TMEM67: variants seen among roughly 807,000 people sequenced by gnomAD.
The protein encoded by TMEM67 is transmembrane protein 67.
Under a neutral mutation model 136.6 loss-of-function variants are expected in TMEM67, and 124 were observed. The ratio of observed to expected loss-of-function variants is 0.91; its 90% CI spans 0.78 to 1.05. The LOEUF is 1.05. Among genes scored for constraint, TMEM67 ranks in the 50% least tolerant of loss-of-function variants. The probability of loss-of-function intolerance (pLI) is 0.00; values close to 1 mark genes in which losing one functional copy is unlikely to be tolerated. For synonymous variants in TMEM67, 364 were observed against 390.5 expected (o/e 0.93, Z 0.80); for missense variants, 1,107 against 1,178.4 (o/e 0.94, Z 0.89).
At chr8:93,808,701 A>G (rs886943413) in intron 23 of TMEM67, 139 bp from the exon 24 acceptor site, 10 of 641,568 alleles carry the variant, frequency 1.6e-5, no homozygotes, top group Non-Finnish European at 2.2e-5. Context: ...CTGTTTCTCA[A>G]ATACAGTTTC....
chr8:93,792,986 T>A (rs976420676), intron 15 of TMEM67, among the ~76,000 whole-genome samples: 20 of 152,008 alleles, frequency 1.3e-4, no homozygotes, highest in Admixed American at 3.3e-4. Context: ...TTAGCCAGGA[T>A]GGTCTTGATC....
At chr8:93,757,804 A>G (rs1812651136) in intron 2 of TMEM67, among the ~76,000 whole-genome samples, 1 of 151,126 alleles carries the variant, frequency 6.6e-6, no homozygotes, top group Non-Finnish European at 1.5e-5. Context: ...ACTGTTGCTC[A>G]GGCTGGAGTG....
intron 3 of TMEM67, among the ~76,000 whole-genome samples, chr8:93,761,055 A>C (rs1226482146): frequency 6.6e-6 from 1 of 152,210 alleles, no homozygotes; most frequent in East Asian, 1.9e-4. Context: ...TCACGCTTGT[A>C]ATCCAGCACT....
intron 4 of TMEM67, 68 bp downstream of exon 4, chr8:93,764,009 A>G (rs758637432): frequency 3.5e-5 from 37 of 1,061,600 alleles, no homozygotes; most frequent in Non-Finnish European, 4.5e-5. Flanking sequence ...TGTACTTTTA[A>G]GAGTGTTTTC....
chr8:93,781,919 G>GT (rs1198858739), intron 10 of TMEM67, among the ~76,000 whole-genome samples, 175 bp downstream of exon 10: 1 of 149,554 alleles, frequency 6.7e-6, no homozygotes, highest in South Asian at 2.1e-4. Flanking sequence ...TTGTTTGTTT[G>GT]TTTTTTCTTT....
chr8:93,769,214 A>G lies in TMEM67; in HGVS notation c.652-3375A>G, dbSNP rs114398777. Among the ~76,000 whole-genome samples, 818 of 152,280 alleles carry G rather than the reference A, an allele frequency of 5.4e-3. 8 individuals carry two copies. Among genetic ancestry groups the G allele is most frequent in the African/African-American group, 0.019 (776 of 41,546 alleles). On this transcript the variant is annotated intron_variant, in intron 6 of 27. Transcript: ENST00000453321. The stretch of plus-strand genomic sequence containing the variant: ...CGTGGGGCAGCTCCCACCACCTTGA[A>G]GAAGGGCTGCCTGCAAGGCAACGGC...
chr8:93,797,413 G>T lies in TMEM67; in HGVS notation c.2043G>T (p.Gln681His). 1 of 1,613,948 alleles carries T rather than the reference G, an allele frequency of 6.2e-7. No individual in the cohort carries two copies. Among genetic ancestry groups the T allele is most frequent in the South Asian group, 1.1e-5 (1 of 91,060 alleles). Residue 681 changes from glutamine (Q) to histidine (H), a missense_variant, in exon 20 of 28, where the codon CAG becomes CAT. Transcript: ENST00000453321. ...TAGCAAATGAATGGAATGAAATTCAGACTGTGAGAAAAATTAATTCACTCT... is the reference window on the plus strand; with the variant it reads ...TAGCAAATGAATGGAATGAAATTCATACTGTGAGAAAAATTAATTCACTCT... ...YFVANEWNEI[Q>H]TVRKINSLFQ...
At chr8:93,829,378 C>G in the TMEM67 span, among the ~76,000 whole-genome samples, 25 of 148,300 alleles carry the variant, frequency 1.7e-4, no homozygotes, top group African/African-American at 4.8e-4. Flanking sequence ...CTCTCTCTCT[C>G]TCTCTGTGTG....
chr8:93,776,402 G>A (rs902791786), intron 7 of TMEM67, among the ~76,000 whole-genome samples: 3 of 152,184 alleles, frequency 2.0e-5, no homozygotes, highest in African/African-American at 4.8e-5. Context: ...AATAGGAGTG[G>A]TGAGAGAGGG....
At chr8:93,781,340 TC>T (rs1211979836) in intron 9 of TMEM67, among the ~76,000 whole-genome samples, 9 of 152,300 alleles carry the variant, frequency 5.9e-5, no homozygotes, top group African/African-American at 1.9e-4. Context: ...AGGGCCAAAT[TC>T]CTACCTGTAA....
intron 10 of TMEM67, among the ~76,000 whole-genome samples, chr8:93,782,131 G>T (rs773360205): frequency 6.6e-6 from 1 of 152,110 alleles, no homozygotes; most frequent in Admixed American, 6.6e-5. Context: ...AGCCAGGATG[G>T]TCTTGATCTC....
chr8:93,775,622 T>C, intron 7 of TMEM67, among the ~76,000 whole-genome samples: 1 of 152,212 alleles, frequency 6.6e-6, no homozygotes, highest in Non-Finnish European at 1.5e-5. Flanking sequence ...CCTTTCCCCA[T>C]TTCTTGTTTT....
chr8:93,754,906 G>A lies in TMEM67; in HGVS notation c.-9G>A, dbSNP rs1181894520. 1.2e-6 allele frequency: 2 copies of A among 1,612,982 alleles called. No individual in the cohort carries two copies. Among genetic ancestry groups the A allele is most frequent in the East Asian group, 4.5e-5 (2 of 44,886 alleles). On this transcript the variant is annotated 5_prime_UTR_variant, in exon 1 of 28. Coordinates refer to ENST00000453321, the MANE Select transcript of TMEM67 (RefSeq NM_153704.6). ...GGCTGGAGGCTGTGAGGCTTCCAGC[G>A]TCGGTACCATGGCGACGCGCGGTGG...
At chr8:93,804,738 C>A in intron 22 of TMEM67, 24 bp from the exon 23 acceptor site, 1 of 1,398,196 alleles carries the variant, frequency 7.2e-7, no homozygotes, top group Non-Finnish European at 1.0e-6. Flanking sequence ...TTGCTATTTG[C>A]TTCTTTTTAT....
At chr8:93,815,109 A>G (rs1808855231) in intron 26 of TMEM67, among the ~76,000 whole-genome samples, 196 bp from the exon 27 acceptor site, 1 of 152,234 alleles carries the variant, frequency 6.6e-6, no homozygotes, top group African/African-American at 2.4e-5. Flanking sequence ...AGAAGTTTTT[A>G]TGAGTTTTTA....
rs753256584 is a variant in TMEM67 at position 93,793,200 on chromosome 8, T to C, written c.1578T>C (p.Ile526=). Residue 526 remains isoleucine, a splice_region_variant and synonymous_variant, in exon 16 of 28, where the codon ATT becomes ATC. Transcript: ENST00000453321. ...DHGEAHVQTD[I]ALGVLGGLAV... ...TCAATTGTTCTTTTGTTTTTTAGATTGCTTTGGGTGTATTGGGTGGGCTAG... is the reference window on the plus strand; with the variant it reads ...TCAATTGTTCTTTTGTTTTTTAGATCGCTTTGGGTGTATTGGGTGGGCTAG... 1 of 1,613,772 alleles carries C rather than the reference T, an allele frequency of 6.2e-7. No homozygotes were observed. Among genetic ancestry groups the C allele is most frequent in the Non-Finnish European group, 8.5e-7 (1 of 1,179,642 alleles).
the TMEM67 span, among the ~76,000 whole-genome samples, chr8:93,831,213 G>A: frequency 4.6e-5 from 7 of 152,192 alleles, no homozygotes; most frequent in African/African-American, 7.2e-5. Flanking sequence ...CTTTCTTTGA[G>A]CCCCTTTAAG....
At position 93,763,867 on chromosome 8, in the gene TMEM67, G is replaced by A; in HGVS notation, c.432G>A (p.Leu144=). 6.2e-7 allele frequency: 1 copy of A among 1,613,316 alleles called. No individual in the cohort carries two copies. The highest frequency in any genetic ancestry group is 8.5e-7 in the Non-Finnish European group (1 of 1,179,388). ...ILVERDINGT[L]LSQATCELCD... is the part of the protein sequence containing the mutation. ...TGGAAAGAGACATTAATGGAACATT[G>A]TTGTCTCAAGCAACTTGTGAGCTCT... is the stretch of plus-strand genomic sequence containing the variant. The change falls in exon 4 of 28, where the codon TTG becomes TTA. Residue 144 remains leucine, a synonymous_variant. Transcript: ENST00000453321.
chr8:93,829,742 G>T, the TMEM67 span, among the ~76,000 whole-genome samples: 3 of 151,712 alleles, frequency 2.0e-5, no homozygotes, highest in East Asian at 5.8e-4. Context: ...CCTTCTCTCC[G>T]TGGTATTTTT....
Sources: gnomAD v4.1 joint callset for allele counts (sites outside exome capture counted in the v4.1 genomes callset) on GRCh38, gnomAD v4.1.1 for gene constraint, MANE v1.5 for transcripts, NCBI Gene and HGNC (gene_info 2026-07-23, HGNC 2026-07-21) for gene names.